CHAC2: variants seen among roughly 807,000 people sequenced by gnomAD.
CHAC2 encodes the protein ChaC glutathione specific gamma-glutamylcyclotransferase 2.
In CHAC2, 20 loss-of-function variants were observed where a neutral mutation model predicts 16.9. The ratio of observed to expected loss-of-function variants is 1.18; its 90% confidence interval spans 0.83 to 1.72. CHAC2 has a LOEUF of 1.72. Among genes scored for constraint, CHAC2 ranks in the 40% most tolerant of loss-of-function variants. The probability of loss-of-function intolerance (pLI) is 0.00; values close to 1 mark genes in which losing one functional copy is unlikely to be tolerated. For missense variants in CHAC2, 269 were observed against 222.2 expected, an observed-to-expected ratio of 1.21 and a Z score of -1.34; for synonymous variants, 91 against 77.3, an observed-to-expected ratio of 1.18 and a Z score of -0.93.
chr2:53,768,008 G>T lies in CHAC2; in HGVS notation c.122G>T (p.Gly41Val). Residue 41 changes from glycine (G) to valine (V), a missense_variant, in exon 1 of 3, where the codon GGG becomes GTG. Coordinates refer to ENST00000295304, the MANE Select transcript of CHAC2 (RefSeq NM_001008708.4). Reference sequence around the variant, plus strand: ...TGGCAGGGCAGCACGGACCACCGCGGGGTCCCCGGCAAGGTGAGGCGCCGG... The same window carrying T: ...TGGCAGGGCAGCACGGACCACCGCGTGGTCCCCGGCAAGGTGAGGCGCCGG... ...RFWQGSTDHR[G>V]VPGKPGRVVT... 5 of 1,613,600 alleles carry T rather than the reference G, an allele frequency of 3.1e-6. No homozygotes were observed. The highest frequency in any genetic ancestry group is 4.2e-6 in the Non-Finnish European group (5 of 1,179,966).
intron 1 of CHAC2, 90 bp from the exon 2 acceptor site, chr2:53,771,817 A>G: frequency 2.6e-6 from 2 of 767,278 alleles, no homozygotes; most frequent in Non-Finnish European, 2.3e-6. Context: ...AATATAATTC[A>G]AATATTCCAT....
chr2:53,773,080 T>C (rs952217376), intron 2 of CHAC2, among the ~76,000 whole-genome samples: 5 of 152,130 alleles, frequency 3.3e-5, no homozygotes, highest in African/African-American at 7.2e-5. Context: ...TAATGGCAGA[T>C]AAATAATGGT....
In CHAC2 at chr2:53,767,919, G is replaced by A. The variant is rs1471501013; in HGVS notation, c.33G>A (p.Trp11Ter). 4.3e-6 allele frequency: 7 copies of A among 1,613,812 alleles called. No homozygotes were observed. Among genetic ancestry groups the A allele is most frequent in the African/African-American group, 1.3e-5 (1 of 75,040 alleles). MWVFGYGSLI[W>*]KVDFPYQDKL... ...TTTTTGGTTACGGGTCCCTGATCTG[G>A]AAGGTGGATTTCCCCTATCAGGACA... Residue 11 changes from tryptophan (W) to a stop codon, truncating the protein, a stop_gained, in exon 1 of 3, where the codon TGG becomes TGA. Coordinates refer to ENST00000295304, the MANE Select transcript of CHAC2 (RefSeq NM_001008708.4). LOFTEE classifies it high-confidence loss of function.
At chr2:53,770,695 T>C (rs937413901) in intron 1 of CHAC2, among the ~76,000 whole-genome samples, 1 of 152,052 alleles carries the variant, frequency 6.6e-6, no homozygotes, top group Admixed American at 6.6e-5. Flanking sequence ...CAACCTCAAG[T>C]TGAATAGTAA....
At chr2:53,770,475 G>A (rs1673820892) in intron 1 of CHAC2, among the ~76,000 whole-genome samples, 1 of 139,774 alleles carries the variant, frequency 7.2e-6, no homozygotes, top group Non-Finnish European at 1.5e-5. Flanking sequence ...ACAGCCTTTG[G>A]TACTCCGTGG....
Position 53,767,970 on chromosome 2 carries a change from C to A in CHAC2, c.84C>A (p.Tyr28Ter), listed in dbSNP as rs1673603080. Residue 28 changes from tyrosine (Y) to a stop codon, truncating the protein, a stop_gained, in exon 1 of 3, where the codon TAC (tyrosine) becomes TAA (stop). Coordinates refer to ENST00000295304, the MANE Select transcript of CHAC2 (RefSeq NM_001008708.4). LOFTEE classifies it high-confidence loss of function. ...AGCTGGTCGGATACATCACCAACTA[C>A]AGCAGGCGCTTCTGGCAGGGCAGCA... ...QDKLVGYITN[Y>*]SRRFWQGSTD... is the part of the protein sequence containing the mutation. 8.1e-6 allele frequency: 13 copies of A among 1,614,158 alleles called. No homozygotes were observed. Among genetic ancestry groups the A allele is most frequent in the Non-Finnish European group, 1.1e-5 (13 of 1,180,024 alleles).
chr2:53,773,157 G>C (rs1417044429), intron 2 of CHAC2, among the ~76,000 whole-genome samples: 2 of 152,038 alleles, frequency 1.3e-5, no homozygotes, highest in Non-Finnish European at 2.9e-5. Context: ...CTTCAAATTG[G>C]TAACTTATAA....
chr2:53,768,642 A>G (rs1211754867), intron 1 of CHAC2, among the ~76,000 whole-genome samples: 2 of 152,238 alleles, frequency 1.3e-5, no homozygotes, highest in Non-Finnish European at 2.9e-5. Flanking sequence ...GGTTATATGA[A>G]TAACATAGTA....
At chr2:53,772,657 T>A (rs1674024195) in intron 2 of CHAC2, among the ~76,000 whole-genome samples, 1 of 152,158 alleles carries the variant, frequency 6.6e-6, no homozygotes, top group South Asian at 2.1e-4. Flanking sequence ...ATTCTTATTT[T>A]CTTTATTGCT....
Position 53,774,615 on chromosome 2 carries a change from G to A in CHAC2, c.*90G>A. On this transcript the variant is annotated 3_prime_UTR_variant, in exon 3 of 3. Transcript: ENST00000295304. ...AAGATCTTATTTTTAATGTAGTGAG[G>A]ATATTATTTAAACTTTTATTTTAAC... 1.1e-6 allele frequency: 1 copy of A among 951,258 alleles called. No homozygotes were observed. Among genetic ancestry groups the A allele is most frequent in the Non-Finnish European group, 1.5e-6 (1 of 668,356 alleles). 58.9% of individuals were successfully genotyped at this position (951,258 alleles called of 1,614,324 possible).
chr2:53,774,688 GA>G lies in CHAC2; in HGVS notation c.*168del. The G allele has an allele frequency of 1.9e-6, 1 of 528,870 alleles. No homozygotes were observed. Among genetic ancestry groups the G allele is most frequent in the Non-Finnish European group, 3.1e-6 (1 of 324,006 alleles). 32.8% of individuals were successfully genotyped at this position (528,870 alleles called of 1,614,324 possible). A position where few individuals can be genotyped will look rare whatever the true frequency, so the allele number is the denominator to read the frequency against. ...TTTAAAATATTGGGATACAGTGAAA[GA>G]AAAATTCAAATTTTAATAACATAAA... On this transcript the variant is annotated 3_prime_UTR_variant, in exon 3 of 3. Transcript: ENST00000295304.
At chr2:53,770,568 G>C (rs955087939) in intron 1 of CHAC2, among the ~76,000 whole-genome samples, 2 of 147,856 alleles carry the variant, frequency 1.4e-5, no homozygotes, top group South Asian at 2.2e-4. Flanking sequence ...TTAAATTATG[G>C]AACATTCCAA....
Position 53,773,085 on chromosome 2 carries a change from A to T in CHAC2, c.172-1057A>T, listed in dbSNP as rs141761827. ...AAGCAGTTAGTAATGGCAGATAAATAATGGTGTGGATTAGGAAATGCTTTC... is the reference window on the plus strand; with the variant it reads ...AAGCAGTTAGTAATGGCAGATAAATTATGGTGTGGATTAGGAAATGCTTTC... On this transcript the variant is annotated intron_variant, in intron 2 of 2. Coordinates refer to ENST00000295304, the MANE Select transcript of CHAC2 (RefSeq NM_001008708.4). Among the ~76,000 whole-genome samples the T allele has an allele frequency of 3.2e-3, 484 of 152,298 alleles. 3 individuals carry two copies. The highest frequency in any genetic ancestry group is 0.01 in the African/African-American group (436 of 41,556).
chr2:53,768,195 C>A, intron 1 of CHAC2, 174 bp downstream of exon 1: 1 of 725,116 alleles, frequency 1.4e-6, no homozygotes, highest in Non-Finnish European at 2.2e-6. Context: ...CATCTCTAAC[C>A]CAGCCCGGGC....
intron 1 of CHAC2, among the ~76,000 whole-genome samples, chr2:53,769,583 C>A (rs1350283497): frequency 6.6e-6 from 1 of 152,166 alleles, no homozygotes; most frequent in African/African-American, 2.4e-5. Context: ...GTGGTGGTTC[C>A]CGCCTATAAT....
At position 53,774,785 on chromosome 2, in the gene CHAC2, A is replaced by C. The variant is rs930337193; in HGVS notation, c.*260A>C. On this transcript the variant is annotated 3_prime_UTR_variant, in exon 3 of 3. Coordinates refer to ENST00000295304, the MANE Select transcript of CHAC2 (RefSeq NM_001008708.4). Reference sequence around the variant, plus strand: ...GTTCTTTAGAAAAATACAGTGAAGGACTCAGTTCAGTCTTGTTTTTATCAG... The same window carrying C: ...GTTCTTTAGAAAAATACAGTGAAGGCCTCAGTTCAGTCTTGTTTTTATCAG... The C allele has an allele frequency of 3.3e-6, 1 of 304,282 alleles. No homozygotes were observed. The highest frequency in any genetic ancestry group is 6.0e-6 in the Non-Finnish European group (1 of 166,844). The allele number at this position is 304,282 out of a possible 1,614,324, so 18.8% of individuals were successfully genotyped here. A position where few individuals can be genotyped will look rare whatever the true frequency, so the allele number is the denominator to read the frequency against.
chr2:53,768,357 G>T, intron 1 of CHAC2: 1 of 221,928 alleles, frequency 4.5e-6, no homozygotes, highest in Non-Finnish European at 8.8e-6. Context: ...AGTCCCATTG[G>T]CGGGAAGATG....
chr2:53,774,649 T>A lies in CHAC2; in HGVS notation c.*124T>A. On this transcript the variant is annotated 3_prime_UTR_variant, in exon 3 of 3. Transcript: ENST00000295304. ...TAAACTTTTATTTTAACTGGAAATG[T>A]CCTGAAACACATATTTAAAATATTG... 6 of 684,076 alleles carry A rather than the reference T, an allele frequency of 8.8e-6. No homozygotes were observed. The highest frequency in any genetic ancestry group is 1.3e-5 in the Non-Finnish European group (6 of 449,356). The allele number at this position is 684,076 out of a possible 1,614,324, so 42.4% of individuals were successfully genotyped here.
chr2:53,771,784 A>G, intron 1 of CHAC2, 123 bp from the exon 2 acceptor site: 1 of 701,468 alleles, frequency 1.4e-6, no homozygotes, highest in Middle Eastern at 3.5e-4. Context: ...ACTATGCTTA[A>G]GAAATAGTGC....
Sources: allele counts gnomAD v4.1 joint callset (sites outside exome capture counted in the v4.1 genomes callset), GRCh38; gene constraint gnomAD v4.1.1; transcripts MANE v1.5; gene names NCBI Gene and HGNC (gene_info 2026-07-23, HGNC 2026-07-21).